The following NCOA2 variants were observed in gnomAD, a reference collection of about 807,000 sequenced individuals.
NCOA2 encodes the protein nuclear receptor coactivator 2, also known as class E basic helix-loop-helix protein 75.
A neutral mutation model predicts 145.1 loss-of-function variants in NCOA2; 21 were observed. The ratio of observed to expected loss-of-function variants is 0.14; its 90% CI spans 0.10 to 0.21. NCOA2 has a LOEUF of 0.21. Ranked by LOEUF, NCOA2 falls within the 10% of genes least tolerant of loss-of-function variation. NCOA2 has a pLI of 1.00. For missense variants in NCOA2, 1,472 were observed against 1,837.6 expected, an observed-to-expected ratio of 0.80 and a Z score of 3.64; for synonymous variants, 619 against 637.5, an observed-to-expected ratio of 0.97 and a Z score of 0.44.
intron 1 of NCOA2, among the ~76,000 whole-genome samples, chr8:70,338,591 G>C (rs71523180): frequency 2.0e-5 from 3 of 152,032 alleles, no homozygotes; most frequent in Admixed American, 6.6e-5. Context: ...CATTCTACGA[G>C]GCCAGCATCA....
chr8:70,343,786 G>A (rs1255005864), intron 1 of NCOA2, among the ~76,000 whole-genome samples: 1 of 151,448 alleles, frequency 6.6e-6, no homozygotes, highest in African/African-American at 2.4e-5. Flanking sequence ...ACTCTAGCCT[G>A]GGTGATGAAG....
At chr8:70,255,394 A>G (rs1298635531) in intron 2 of NCOA2, among the ~76,000 whole-genome samples, 1 of 152,218 alleles carries the variant, frequency 6.6e-6, no homozygotes, top group Non-Finnish European at 1.5e-5. Context: ...TATTTCAGAA[A>G]TGAAAGAATA....
intron 2 of NCOA2, among the ~76,000 whole-genome samples, chr8:70,283,478 G>C (rs888113426): frequency 1.3e-5 from 2 of 152,116 alleles, no homozygotes; most frequent in Non-Finnish European, 2.9e-5. Context: ...CTACCACCTG[G>C]GAACAAGTGG....
chr8:70,329,898 A>G (rs1210183534), intron 1 of NCOA2, among the ~76,000 whole-genome samples: 1 of 152,208 alleles, frequency 6.6e-6, no homozygotes, highest in Non-Finnish European at 1.5e-5. Context: ...GCTCTATCTT[A>G]TAGGGACCAA....
At chr8:70,291,113 T>A (rs1267614113) in intron 2 of NCOA2, among the ~76,000 whole-genome samples, 2 of 152,182 alleles carry the variant, frequency 1.3e-5, no homozygotes, top group Non-Finnish European at 2.9e-5. Flanking sequence ...AAGTGGAATA[T>A]TCAAGTTTGA....
chr8:70,269,187 C>G (rs1824846793), intron 2 of NCOA2, among the ~76,000 whole-genome samples: 1 of 151,960 alleles, frequency 6.6e-6, no homozygotes, highest in Non-Finnish European at 1.5e-5. Context: ...AGTATTTTTC[C>G]TTGTTGGTTC....
intron 1 of NCOA2, among the ~76,000 whole-genome samples, chr8:70,330,216 A>AATGATGATG (rs57235614): frequency 0.12 from 17,395 of 150,806 alleles, 1,239 homozygotes; most frequent in African/African-American, 0.19. Context: ...TGATGATGAT[A>AATGATGATG]ATGATGATGA....
intron 4 of NCOA2, among the ~76,000 whole-genome samples, chr8:70,208,333 GTGA>G (rs1818679938): frequency 6.6e-6 from 1 of 152,124 alleles, no homozygotes; most frequent in African/African-American, 2.4e-5. Flanking sequence ...GCTAGCAAAG[GTGA>G]GTTCATAAAG....
Position 70,190,282 on chromosome 8 carries a change from T to C in NCOA2, c.260-15423A>G, listed in dbSNP as rs115915440. On this transcript the variant is annotated intron_variant, in intron 4 of 22. Transcript: ENST00000452400. ...TTCAAAACTAAACCCAGTTAAGTGG[T>C]AGACTTAGAGAAAAACCTACAATCA... 9.2e-3 allele frequency among the ~76,000 whole-genome samples: 1,405 copies of C among 152,280 alleles called. 21 individuals are homozygous for C. The highest frequency in any genetic ancestry group is 0.032 in the African/African-American group (1,309 of 41,544).
intron 4 of NCOA2, among the ~76,000 whole-genome samples, chr8:70,199,675 A>G (rs1274309730): frequency 6.6e-6 from 1 of 152,114 alleles, no homozygotes; most frequent in Non-Finnish European, 1.5e-5. Context: ...TAAAGAGAAG[A>G]AGAACGAGCA....
At chr8:70,299,181 C>T (rs1180392671) in intron 1 of NCOA2, among the ~76,000 whole-genome samples, 3 of 152,074 alleles carry the variant, frequency 2.0e-5, no homozygotes, top group African/African-American at 7.2e-5. Context: ...GAATAAAATA[C>T]TTCCATAAAA....
rs61028027 is a variant in NCOA2, at chr8:70,314,180, C to CAA, written c.-76-17382_-76-17381dup. Among the ~76,000 whole-genome samples the CAA allele has an allele frequency of 9.1e-3, 157 of 17,198 alleles. 40 individuals carry two copies. Among genetic ancestry groups the CAA allele is most frequent in the East Asian group, 0.025 (6 of 244 alleles). 11.3% of individuals were successfully genotyped at this position (17,198 alleles called of 152,430 possible). The stretch of plus-strand genomic sequence containing the variant: ...GGGCGACAGAGCAAGACTCTGACTC[C>CAA]AAAAAAAAAAAAAAAAAAAAAAAAA... On this transcript the variant is annotated intron_variant, in intron 1 of 22. Transcript: ENST00000452400.
rs1288441827 is a variant in NCOA2, at chr8:70,110,014, T to C, written c.*3618A>G. On this transcript the variant is annotated 3_prime_UTR_variant, in exon 23 of 23. Coordinates refer to ENST00000452400, the MANE Select transcript of NCOA2 (RefSeq NM_006540.4). The stretch of plus-strand genomic sequence containing the variant: ...GTGATGTTCAGAGTCAACTCCATTT[T>C]GAAAATAAATCACAACCTGAAACAC... 5.1e-6 allele frequency: 1 copy of C among 194,232 alleles called. No individual in the cohort carries two copies. The allele number at this position is 194,232 out of a possible 1,614,324, so 12.0% of individuals were successfully genotyped here.
At position 70,196,428 on chromosome 8, in the gene NCOA2, A is replaced by C. The variant is rs117210411; in HGVS notation, c.259+17475T>G. Among the ~76,000 whole-genome samples, 91 of 152,300 alleles carry C rather than the reference A, an allele frequency of 6.0e-4. No homozygotes were observed. The East Asian group carries it at 0.017, about 28-fold the overall frequency. ...AACCTTTCCTTTTTTCTCTTCACCT[A>C]TGATGGATATACATCGGCGATGAAA... On this transcript the variant is annotated intron_variant, in intron 4 of 22. Transcript: ENST00000452400.
At chr8:70,412,883 A>G in the NCOA2 span, among the ~76,000 whole-genome samples, 1 of 152,006 alleles carries the variant, frequency 6.6e-6, no homozygotes, top group African/African-American at 2.4e-5. Flanking sequence ...AGATCACTGG[A>G]GGCCAAGAGT....
intron 2 of NCOA2, among the ~76,000 whole-genome samples, chr8:70,284,338 G>T (rs1362944503): frequency 1.3e-5 from 2 of 152,180 alleles, no homozygotes; most frequent in African/African-American, 4.8e-5. Context: ...GCCTGACAGG[G>T]TGGAAGTAGA....
At chr8:70,126,546 C>G (rs1808433573) in intron 19 of NCOA2, 1 of 511,104 alleles carries the variant, frequency 2.0e-6, no homozygotes, top group African/African-American at 1.9e-5. Context: ...ACAGTCTATG[C>G]ACACACACTT....
At chr8:70,199,767 C>T (rs1267646865) in intron 4 of NCOA2, among the ~76,000 whole-genome samples, 1 of 152,192 alleles carries the variant, frequency 6.6e-6, no homozygotes, top group African/African-American at 2.4e-5. Flanking sequence ...TGCCATCTCC[C>T]TATTCACTCC....
At chr8:70,320,922 T>C (rs1193814661) in intron 1 of NCOA2, among the ~76,000 whole-genome samples, 1 of 152,202 alleles carries the variant, frequency 6.6e-6, no homozygotes, top group Non-Finnish European at 1.5e-5. Context: ...TATCTACAAA[T>C]ATATAACTTT....
Sources: gnomAD v4.1 joint callset for allele counts (sites outside exome capture counted in the v4.1 genomes callset) on GRCh38, gnomAD v4.1.1 for gene constraint, MANE v1.5 for transcripts, NCBI Gene and HGNC (gene_info 2026-07-23, HGNC 2026-07-21) for gene names.